DLC1: variants seen among roughly 807,000 people sequenced by gnomAD.
DLC1 encodes rho GTPase-activating protein 7.
DLC1 carries 54 observed loss-of-function variants against 140.3 expected under a neutral mutation model. The ratio of observed to expected loss-of-function variants is 0.38; its 90% CI spans 0.31 to 0.48. The LOEUF (loss-of-function observed/expected upper bound fraction) is 0.48. Among genes scored for constraint, DLC1 ranks in the 20% least tolerant of loss-of-function variants. The probability of loss-of-function intolerance (pLI) is 0.96; values close to 1 mark genes in which losing one functional copy is unlikely to be tolerated. For missense variants in DLC1, 2,536 were observed against 1,907.0 expected (o/e 1.33, Z -6.14); for synonymous variants, 986 against 728.1 (o/e 1.35, Z -5.70).
In DLC1 at chr8:13,336,959, C is replaced by T. The variant is rs560759451; in HGVS notation, c.1315-31657G>A. 2.0e-5 allele frequency among the ~76,000 whole-genome samples: 3 copies of T among 151,776 alleles called. No individual in the cohort carries two copies. The South Asian group carries it at 6.3e-4, about 32-fold the overall frequency. On this transcript the variant is annotated intron_variant, in intron 4 of 17. Transcript: ENST00000276297. ...AAGTAAATGACTTACTAATAGTTAG[C>T]TAAAGCAGATGAAATGAAAAATATA...
intron 5 of DLC1, among the ~76,000 whole-genome samples, chr8:13,269,417 C>G (rs879558212): frequency 1.3e-5 from 2 of 152,134 alleles, no homozygotes; most frequent in South Asian, 2.1e-4. Context: ...CACATGCCAA[C>G]TGAATGGCAT....
At chr8:13,354,632 A>C (rs1308702438) in intron 4 of DLC1, among the ~76,000 whole-genome samples, 3 of 152,140 alleles carry the variant, frequency 2.0e-5, no homozygotes, top group Non-Finnish European at 4.4e-5. Context: ...GGTAAAGTTC[A>C]GCTATGTGCA....
At chr8:13,125,297 C>T (rs9325867) in intron 5 of DLC1, among the ~76,000 whole-genome samples, 8,741 of 152,198 alleles carry the variant, frequency 0.057, 847 homozygotes, top group African/African-American at 0.2. Context: ...TTTAAGAGAT[C>T]GACTTCTTGA....
intron 6 of DLC1, among the ~76,000 whole-genome samples, chr8:13,113,727 A>G (rs751318402): frequency 1.1e-4 from 16 of 152,364 alleles, no homozygotes; most frequent in Non-Finnish European, 1.3e-4. Flanking sequence ...GCCCTTCTAA[A>G]TGTTAACAGG....
chr8:13,520,742 A>T (rs1032096050), intron 1 of DLC1, among the ~76,000 whole-genome samples: 3 of 152,148 alleles, frequency 2.0e-5, no homozygotes, highest in Non-Finnish European at 4.4e-5. Flanking sequence ...GTACCATCAG[A>T]AACTCAAAGA....
chr8:13,394,003 G>A (rs1237394275), intron 3 of DLC1, among the ~76,000 whole-genome samples: 4 of 145,434 alleles, frequency 2.8e-5, no homozygotes, highest in African/African-American at 9.8e-5. Flanking sequence ...TTAGAAGGCA[G>A]AAGCCCACAG....
intron 5 of DLC1, among the ~76,000 whole-genome samples, chr8:13,272,135 T>A (rs985372682): frequency 6.6e-6 from 1 of 152,228 alleles, no homozygotes; most frequent in African/African-American, 2.4e-5. Context: ...GGTCTTACTT[T>A]ATAAGATGTT....
intron 2 of DLC1, among the ~76,000 whole-genome samples, chr8:13,448,831 G>A (rs1043270003): frequency 4.6e-5 from 7 of 152,124 alleles, no homozygotes; most frequent in Admixed American, 2.6e-4. Flanking sequence ...CCACAAATGT[G>A]TTATACACTA....
At chr8:13,456,886 C>G (rs959636069) in intron 2 of DLC1, among the ~76,000 whole-genome samples, 3 of 152,144 alleles carry the variant, frequency 2.0e-5, no homozygotes, top group Non-Finnish European at 2.9e-5. Flanking sequence ...ACTGGTGCAG[C>G]TGTATATCAA....
intron 4 of DLC1, among the ~76,000 whole-genome samples, chr8:13,361,261 G>A (rs1003609388): frequency 6.6e-6 from 1 of 151,982 alleles, no homozygotes; most frequent in African/African-American, 2.4e-5. Flanking sequence ...AAACGAGAGA[G>A]AGAAAGAAAC....
At chr8:13,165,969 G>A (rs576729474) in intron 5 of DLC1, among the ~76,000 whole-genome samples, 9 of 152,246 alleles carry the variant, frequency 5.9e-5, no homozygotes, top group African/African-American at 1.7e-4. Context: ...TACAGTAGTC[G>A]ATACTATGTC....
rs548537625 is a variant in DLC1, at chr8:13,492,178, C to T, written c.1023+6871G>A. 8.0e-4 allele frequency among the ~76,000 whole-genome samples: 122 copies of T among 152,100 alleles called. No individual in the cohort carries two copies. The South Asian group carries it at 9.3e-3, about 12-fold the overall frequency. On this transcript the variant is annotated intron_variant, in intron 2 of 17. Coordinates refer to ENST00000276297, the MANE Select transcript of DLC1 (RefSeq NM_182643.3). The stretch of plus-strand genomic sequence containing the variant: ...ACATTTGAGGATCTTGAAATATGAG[C>T]TTATCTGAGGGTTCCACCTCTAGCC...
At chr8:13,506,123 A>G (rs1387862962) in intron 1 of DLC1, among the ~76,000 whole-genome samples, 1 of 152,114 alleles carries the variant, frequency 6.6e-6, no homozygotes, top group African/African-American at 2.4e-5. Flanking sequence ...GTATACATAA[A>G]GCAGTCCTTT....
intron 2 of DLC1, among the ~76,000 whole-genome samples, chr8:13,456,031 A>G (rs1250664730): frequency 1.3e-5 from 2 of 152,238 alleles, no homozygotes; most frequent in Non-Finnish European, 2.9e-5. Context: ...TGTCTTCCAA[A>G]GAGTGTTCTA....
chr8:13,202,610 C>T (rs137967475), intron 5 of DLC1, among the ~76,000 whole-genome samples: 1,690 of 152,252 alleles, frequency 0.011, 11 homozygotes, highest in South Asian at 0.032. Context: ...TTCTATTTCA[C>T]TTCCCACACT....
chr8:13,097,805 A>T (rs1190693975), intron 10 of DLC1, among the ~76,000 whole-genome samples: 1 of 152,080 alleles, frequency 6.6e-6, no homozygotes, highest in East Asian at 1.9e-4. Flanking sequence ...TCTGTCACTC[A>T]AAGAGCTGAA....
intron 2 of DLC1, among the ~76,000 whole-genome samples, chr8:13,482,195 C>T (rs1245134247): frequency 6.6e-6 from 1 of 152,118 alleles, no homozygotes; most frequent in African/African-American, 2.4e-5. Context: ...AGGAAATACC[C>T]CATCTTTCAC....
chr8:13,142,788 G>T (rs898953605), intron 5 of DLC1, among the ~76,000 whole-genome samples: 4 of 152,144 alleles, frequency 2.6e-5, no homozygotes, highest in African/African-American at 9.7e-5. Flanking sequence ...GGTGGCTCAC[G>T]CCTGTAATCC....
chr8:13,291,254 G>A (rs1036858817), intron 5 of DLC1, among the ~76,000 whole-genome samples: 30 of 152,174 alleles, frequency 2.0e-4, no homozygotes, highest in Admixed American at 1.6e-3. Flanking sequence ...AAGAGAAGGT[G>A]TAAAGACAGA....
Sources: allele counts gnomAD v4.1 joint callset (sites outside exome capture counted in the v4.1 genomes callset), GRCh38; gene constraint gnomAD v4.1.1; transcripts MANE v1.5; gene names NCBI Gene and HGNC (gene_info 2026-07-23, HGNC 2026-07-21).